MYRIP: variants seen among roughly 807,000 people sequenced by gnomAD.
MYRIP encodes the protein rab effector MyRIP.
Under a neutral mutation model 98.0 loss-of-function variants are expected in MYRIP, and 49 were observed. The observed-to-expected ratio is 0.50, with a 90% CI of 0.40 to 0.63. The LOEUF (loss-of-function observed/expected upper bound fraction) is 0.63. Among genes scored for constraint, MYRIP ranks in the 30% least tolerant of loss-of-function variants. MYRIP has a pLI of 0.00. For missense variants in MYRIP, 1,004 were observed against 1,058.2 expected, an observed-to-expected ratio of 0.95 and a Z score of 0.71; for synonymous variants, 404 against 409.5, an observed-to-expected ratio of 0.99 and a Z score of 0.16.
At chr3:39,904,685 C>T (rs1943834138) in intron 2 of MYRIP, among the ~76,000 whole-genome samples, 1 of 152,112 alleles carries the variant, frequency 6.6e-6, no homozygotes, top group African/African-American at 2.4e-5. Flanking sequence ...TTACAGGACT[C>T]CTACTATCCC....
intron 1 of MYRIP, among the ~76,000 whole-genome samples, chr3:39,850,416 A>G (rs1385170337): frequency 3.9e-5 from 6 of 152,350 alleles, no homozygotes; most frequent in Admixed American, 1.3e-4. Flanking sequence ...AAGTTCCACC[A>G]TTTGTGACTA....
chr3:39,936,938 A>G (rs1156806800), intron 2 of MYRIP, among the ~76,000 whole-genome samples: 1 of 152,306 alleles, frequency 6.6e-6, no homozygotes, highest in Admixed American at 6.5e-5. Context: ...TAGTCTTCAC[A>G]TTAGTTGTTA....
At chr3:39,846,647 C>A (rs1941974119) in intron 1 of MYRIP, among the ~76,000 whole-genome samples, 1 of 152,192 alleles carries the variant, frequency 6.6e-6, no homozygotes, top group Admixed American at 6.5e-5. Flanking sequence ...TATCTACTTT[C>A]CTCCCTTATT....
Position 40,009,893 on chromosome 3 carries a change from G to A in MYRIP, c.111-34157G>A, listed in dbSNP as rs548184150. ...TCATATTGCAGACATGGCAACTGAG[G>A]TCAGCGAGTTGAAATAACTTGCCAG... On this transcript the variant is annotated intron_variant, in intron 2 of 16. Coordinates refer to ENST00000302541, the MANE Select transcript of MYRIP (RefSeq NM_015460.4). Among the ~76,000 whole-genome samples the A allele has an allele frequency of 3.3e-5, 5 of 152,318 alleles. No individual in the cohort carries two copies. The South Asian group carries it at 1.0e-3, about 32-fold the overall frequency.
intron 2 of MYRIP, among the ~76,000 whole-genome samples, chr3:39,924,222 T>C (rs149582717): frequency 3.3e-5 from 5 of 152,236 alleles, no homozygotes; most frequent in African/African-American, 9.6e-5. Flanking sequence ...CCTAGTCATA[T>C]GCTATTTACA....
At chr3:39,835,047 A>G (rs771765569) in intron 1 of MYRIP, among the ~76,000 whole-genome samples, 6 of 152,208 alleles carry the variant, frequency 3.9e-5, no homozygotes, top group African/African-American at 7.2e-5. Flanking sequence ...TTCCATGTCA[A>G]TAAGAATGGA....
intron 2 of MYRIP, among the ~76,000 whole-genome samples, chr3:39,995,900 T>G (rs1946338962): frequency 6.6e-6 from 1 of 152,050 alleles, no homozygotes; most frequent in Non-Finnish European, 1.5e-5. Context: ...TTAAAAGAAT[T>G]TTCAACCCAG....
chr3:39,998,661 A>C (rs1008232783), intron 2 of MYRIP, among the ~76,000 whole-genome samples: 22 of 149,832 alleles, frequency 1.5e-4, no homozygotes, highest in African/African-American at 5.3e-4. Context: ...CTTTCTTCAC[A>C]GAATTGGAAA....
At chr3:39,998,131 G>C (rs1946416609) in intron 2 of MYRIP, among the ~76,000 whole-genome samples, 1 of 152,138 alleles carries the variant, frequency 6.6e-6, no homozygotes, top group South Asian at 2.1e-4. Context: ...CACAAGACAG[G>C]GATGCCCTCT....
intron 8 of MYRIP, among the ~76,000 whole-genome samples, chr3:40,177,699 T>C (rs1351699984): frequency 1.3e-5 from 2 of 152,180 alleles, no homozygotes; most frequent in Admixed American, 1.3e-4. Context: ...AAGGCACCAG[T>C]GTGGGTGTTA....
chr3:39,960,141 C>A (rs561406249), intron 2 of MYRIP, among the ~76,000 whole-genome samples: 1 of 152,190 alleles, frequency 6.6e-6, no homozygotes, highest in South Asian at 2.1e-4. Flanking sequence ...CCTCCAGTCC[C>A]CATCACTGAC....
intron 10 of MYRIP, among the ~76,000 whole-genome samples, chr3:40,198,395 C>G (rs1951458932): frequency 1.3e-5 from 2 of 152,108 alleles, no homozygotes; most frequent in African/African-American, 4.8e-5. Flanking sequence ...GGAGGAGGGT[C>G]AACAATTATT....
chr3:40,181,474 C>T (rs1950881385), intron 8 of MYRIP, among the ~76,000 whole-genome samples: 1 of 152,218 alleles, frequency 6.6e-6, no homozygotes, highest in African/African-American at 2.4e-5. Flanking sequence ...TTGTTTAATA[C>T]TGTAATCATA....
intron 12 of MYRIP, 131 bp downstream of exon 12, chr3:40,234,184 C>T: frequency 1.1e-6 from 1 of 939,330 alleles, no homozygotes; most frequent in Non-Finnish European, 1.5e-6. Flanking sequence ...ATAGCAAATA[C>T]ATTCTCAGGA....
intron 3 of MYRIP, among the ~76,000 whole-genome samples, chr3:40,137,627 A>T (rs1949808533): frequency 6.6e-6 from 1 of 152,170 alleles, no homozygotes; most frequent in African/African-American, 2.4e-5. Context: ...TCGATGCAAA[A>T]ATCCTCAATA....
intron 3 of MYRIP, among the ~76,000 whole-genome samples, chr3:40,110,331 GA>G (rs1362478527): frequency 6.6e-6 from 1 of 152,110 alleles, no homozygotes; most frequent in Non-Finnish European, 1.5e-5. Context: ...TGGCCTTGTA[GA>G]AAAAAAGGCC....
chr3:39,956,429 A>C (rs147261788), intron 2 of MYRIP, among the ~76,000 whole-genome samples: 3,942 of 152,176 alleles, frequency 0.026, 166 homozygotes, highest in African/African-American at 0.089. Flanking sequence ...TGAATGACTA[A>C]TGGGTACATA....
At chr3:39,967,984 G>A (rs781080480) in intron 2 of MYRIP, among the ~76,000 whole-genome samples, 34 of 151,980 alleles carry the variant, frequency 2.2e-4, no homozygotes, top group African/African-American at 8.0e-4. Context: ...GATATTAGAC[G>A]TCTGTCAGAT....
intron 1 of MYRIP, among the ~76,000 whole-genome samples, chr3:39,813,060 G>C (rs958342598): frequency 6.6e-6 from 1 of 152,174 alleles, no homozygotes; most frequent in Non-Finnish European, 1.5e-5. Context: ...ATTTTAAAGA[G>C]GGTTAACTGA....
Sources: allele counts gnomAD v4.1 joint callset (sites outside exome capture counted in the v4.1 genomes callset), GRCh38; gene constraint gnomAD v4.1.1; transcripts MANE v1.5; gene names NCBI Gene and HGNC (gene_info 2026-07-23, HGNC 2026-07-21).